DIAPH3: variants seen among roughly 807,000 people sequenced by gnomAD.
The protein encoded by DIAPH3 is diaphanous related formin 3.
DIAPH3 carries 117 observed loss-of-function variants against 144.3 expected under a neutral mutation model. The ratio of observed to expected loss-of-function variants is 0.81; its 90% CI spans 0.70 to 0.95. The LOEUF is 0.95. Ranked by LOEUF, DIAPH3 falls within the 40% of genes least tolerant of loss-of-function variation. The pLI, the probability that DIAPH3 is intolerant of heterozygous loss-of-function variation, is 0.00. For missense variants in DIAPH3, 1,421 were observed against 1,412.7 expected (o/e 1.01, Z -0.09); for synonymous variants, 519 against 488.9 (o/e 1.06, Z -0.81).
At chr13:59,794,345 C>T (rs2139424310) in intron 25 of DIAPH3, among the ~76,000 whole-genome samples, 1 of 152,196 alleles carries the variant, frequency 6.6e-6, no homozygotes, top group Admixed American at 6.5e-5. Flanking sequence ...TGAATGGCAC[C>T]ACCTACTCAT....
chr13:60,107,337 A>G (rs2058449939), intron 3 of DIAPH3, among the ~76,000 whole-genome samples: 1 of 152,066 alleles, frequency 6.6e-6, no homozygotes, highest in Admixed American at 6.6e-5. Context: ...AACCTCAGGG[A>G]AAAAAAGAAG....
intron 22 of DIAPH3, among the ~76,000 whole-genome samples, chr13:59,846,902 C>T (rs747498105): frequency 2.6e-5 from 4 of 152,016 alleles, no homozygotes; most frequent in Admixed American, 6.6e-5. Flanking sequence ...ACAGTGAAAC[C>T]CCATCTCTAT....
intron 17 of DIAPH3, among the ~76,000 whole-genome samples, chr13:59,931,898 T>C (rs954565074): frequency 2.0e-5 from 3 of 152,188 alleles, no homozygotes; most frequent in Non-Finnish European, 2.9e-5. Flanking sequence ...CATACAGATG[T>C]GGAGAAGAGA....
At chr13:60,034,131 T>C (rs944599709) in intron 5 of DIAPH3, among the ~76,000 whole-genome samples, 7 of 152,236 alleles carry the variant, frequency 4.6e-5, no homozygotes, top group African/African-American at 1.7e-4. Context: ...CTAGAGGCTT[T>C]AGTATCTGCA....
At chr13:60,024,277 T>C (rs1048346968) in intron 5 of DIAPH3, among the ~76,000 whole-genome samples, 2 of 152,310 alleles carry the variant, frequency 1.3e-5, no homozygotes, top group South Asian at 2.1e-4. Flanking sequence ...TCTGTATGTA[T>C]TTTTTCCCAA....
intron 1 of DIAPH3, chr13:60,144,752 C>G (rs1466356513): frequency 6.6e-6 from 1 of 152,172 alleles, no homozygotes; most frequent in African/African-American, 2.4e-5. Flanking sequence ...TGGAGCTATG[C>G]CTAGTGAGAA....
At chr13:59,885,712 C>T (rs950634357) in intron 20 of DIAPH3, among the ~76,000 whole-genome samples, 4 of 151,890 alleles carry the variant, frequency 2.6e-5, no homozygotes, top group African/African-American at 4.8e-5. Context: ...TTTTAGCATA[C>T]GTAATTAAAT....
At chr13:59,991,715 T>G (rs1018932674) in intron 11 of DIAPH3, among the ~76,000 whole-genome samples, 1 of 151,968 alleles carries the variant, frequency 6.6e-6, no homozygotes, top group African/African-American at 2.4e-5. Flanking sequence ...CCCATGAGTA[T>G]GCACCCAAGA....
At chr13:59,769,525 T>C (rs1160649724) in intron 27 of DIAPH3, among the ~76,000 whole-genome samples, 4 of 152,116 alleles carry the variant, frequency 2.6e-5, no homozygotes, top group African/African-American at 7.2e-5. Context: ...TGTCTTAACC[T>C]AGAGCTCTAG....
At chr13:59,694,580 A>C (rs2033698212) in intron 27 of DIAPH3, among the ~76,000 whole-genome samples, 1 of 152,188 alleles carries the variant, frequency 6.6e-6, no homozygotes, top group Admixed American at 6.5e-5. Context: ...CTTGATTGTT[A>C]AAATAAACAA....
chr13:59,748,473 CAA>C (rs1289862865), intron 27 of DIAPH3, among the ~76,000 whole-genome samples: 1 of 152,204 alleles, frequency 6.6e-6, no homozygotes, highest in African/African-American at 2.4e-5. Context: ...ATGGGAGACC[CAA>C]CCATGTTTCT....
intron 17 of DIAPH3, among the ~76,000 whole-genome samples, chr13:59,933,655 C>G (rs967562998): frequency 5.9e-5 from 9 of 152,114 alleles, no homozygotes; most frequent in Non-Finnish European, 4.4e-5. Flanking sequence ...GTGTAAGGCT[C>G]CATTTTTCCA....
At chr13:59,897,455 G>T (rs1238722030) in intron 20 of DIAPH3, among the ~76,000 whole-genome samples, 1 of 152,162 alleles carries the variant, frequency 6.6e-6, no homozygotes, top group African/African-American at 2.4e-5. Flanking sequence ...AGTTCTTAAG[G>T]AAAGTGGGTG....
intron 21 of DIAPH3, among the ~76,000 whole-genome samples, chr13:59,878,073 T>G (rs1205380672): frequency 6.6e-6 from 1 of 152,270 alleles, no homozygotes; most frequent in African/African-American, 2.4e-5. Context: ...ATGAGTCTCA[T>G]GTATGCCAGG....
intron 24 of DIAPH3, among the ~76,000 whole-genome samples, chr13:59,820,828 C>T (rs2041030440): frequency 1.3e-5 from 2 of 149,452 alleles, no homozygotes; most frequent in South Asian, 4.2e-4. Flanking sequence ...CTATTTAATA[C>T]TATTTATTTA....
chr13:60,120,547 T>C (rs1390252260), intron 2 of DIAPH3, among the ~76,000 whole-genome samples: 1 of 152,240 alleles, frequency 6.6e-6, no homozygotes, highest in African/African-American at 2.4e-5. Flanking sequence ...ACTTATAATA[T>C]TTTGTCCACA....
Position 59,774,780 on chromosome 13 carries a change from C to T in DIAPH3, c.3207G>A (p.Leu1069=). 6.2e-7 allele frequency: 1 copy of T among 1,614,176 alleles called. No individual in the cohort carries two copies. ...TGTCGCGGAAGGCAGCCCCGGACTGCAAGGCCTCCAGCAGATTATCCATCA... is the reference window on the plus strand; with the variant it reads ...TGTCGCGGAAGGCAGCCCCGGACTGTAAGGCCTCCAGCAGATTATCCATCA... ...TGVMDNLLEA[L]QSGAAFRDRR... The change falls in exon 26 of 28, where the codon TTG becomes TTA. Residue 1069 remains leucine, a synonymous_variant. Coordinates refer to ENST00000400324, the MANE Select transcript of DIAPH3 (RefSeq NM_001042517.2).
intron 24 of DIAPH3, chr13:59,832,864 T>G (rs1018234723): frequency 1.4e-5 from 6 of 425,470 alleles, no homozygotes; most frequent in African/African-American, 9.9e-5. Context: ...GGAGTCTTTA[T>G]GAAGAACTTC....
intron 22 of DIAPH3, among the ~76,000 whole-genome samples, chr13:59,852,568 A>G (rs2043037615): frequency 6.6e-6 from 1 of 152,216 alleles, no homozygotes; most frequent in Admixed American, 6.5e-5. Context: ...GAGGCAGAAA[A>G]ATAGAACTCA....
Sources: allele counts gnomAD v4.1 joint callset (sites outside exome capture counted in the v4.1 genomes callset), GRCh38; gene constraint gnomAD v4.1.1; transcripts MANE v1.5; gene names NCBI Gene and HGNC (gene_info 2026-07-23, HGNC 2026-07-21).